The following ARID1A variants were observed in gnomAD, a reference collection of about 807,000 sequenced individuals.
ARID1A encodes the protein AT-rich interaction domain 1A, also known as AT-rich interactive domain-containing protein 1A.
ARID1A carries 20 observed loss-of-function variants against 212.6 expected under a neutral mutation model. The ratio of observed to expected loss-of-function variants is 0.09; its 90% confidence interval spans 0.07 to 0.14. The LOEUF is 0.14. ARID1A is among the 10% of genes least tolerant of loss of function. ARID1A has a pLI of 1.00. For synonymous variants in ARID1A, 1,376 were observed against 1,222.1 expected (o/e 1.13, Z -2.63); for missense variants, 2,587 against 3,059.0 (o/e 0.85, Z 3.64).
chr1:26,740,664 A>T (rs2080779576), intron 4 of ARID1A, among the ~76,000 whole-genome samples: 1 of 152,202 alleles, frequency 6.6e-6, no homozygotes, highest in Admixed American at 6.5e-5. Context: ...TAACTGGGGC[A>T]ATCATGTGAT....
rs2124788300 is a variant in ARID1A, at chr1:26,731,244, G to A, written c.1443G>A (p.Gln481=). The part of the protein sequence containing the change: ...YNQQSPHPQQ[Q]QPPYSQQPPS... ...AGCAAAGTCCTCACCCTCAGCAGCA[G>A]CAGCCACCCTACTCCCAGCAACCAC... The change falls in exon 3 of 20, where the codon CAG becomes CAA. Residue 481 remains glutamine, a synonymous_variant. Coordinates refer to ENST00000324856, the MANE Select transcript of ARID1A (RefSeq NM_006015.6). The A allele has an allele frequency of 6.2e-7, 1 of 1,613,942 alleles. No individual in the cohort carries two copies. The highest frequency in any genetic ancestry group is 8.5e-7 in the Non-Finnish European group (1 of 1,179,984).
At chr1:26,729,892 C>G (rs2124785949) in intron 2 of ARID1A, 29 bp downstream of exon 2, 1 of 1,602,412 alleles carries the variant, frequency 6.2e-7, no homozygotes, top group East Asian at 2.2e-5. Context: ...TACCTTGACC[C>G]TTGTTGCTGT....
chr1:26,778,949 GTC>G, intron 19 of ARID1A, 72 bp from the exon 20 acceptor site: 2 of 1,400,058 alleles, frequency 1.4e-6, no homozygotes, highest in Non-Finnish European at 1.9e-6. Flanking sequence ...ACTTGGGGAG[GTC>G]TCTCAAGTCA....
chr1:26,745,688 C>T (rs567869966), intron 4 of ARID1A, among the ~76,000 whole-genome samples: 2 of 152,292 alleles, frequency 1.3e-5, no homozygotes, highest in African/African-American at 2.4e-5. Flanking sequence ...TCTCTGACTG[C>T]TAGTCCAGTG....
intron 4 of ARID1A, among the ~76,000 whole-genome samples, 158 bp from the exon 5 acceptor site, chr1:26,760,697 AT>A (rs890514165): frequency 4.7e-5 from 7 of 149,850 alleles, no homozygotes; most frequent in African/African-American, 7.4e-5. Flanking sequence ...AAAAAAAAAA[AT>A]TTTTTTTTTT....
At chr1:26,709,372 A>G (rs1470754859) in intron 1 of ARID1A, among the ~76,000 whole-genome samples, 9 of 151,796 alleles carry the variant, frequency 5.9e-5, no homozygotes, top group Non-Finnish European at 1.3e-4. Context: ...TCTACCTCAC[A>G]TTCTCCTCCC....
intron 4 of ARID1A, among the ~76,000 whole-genome samples, chr1:26,748,947 G>A (rs1433494918): frequency 2.6e-5 from 4 of 152,072 alleles, no homozygotes; most frequent in South Asian, 4.1e-4. Flanking sequence ...GGCAGATCAC[G>A]AGGTCAGGAG....
Position 26,697,041 on chromosome 1 carries a change from ACTC to A in ARID1A, c.641_643del (p.Ser214del). 6.5e-7 allele frequency: 1 copy of A among 1,536,176 alleles called. No homozygotes were observed. The highest frequency in any genetic ancestry group is 8.7e-7 in the Non-Finnish European group (1 of 1,145,780). ...CACGGCTTCCCCAACCACCAGTACAACTCCTACTACCCCAACCGCAGCGCCTAC... is the reference window on the plus strand; with the variant it reads ...CACGGCTTCCCCAACCACCAGTACAACTACTACCCCAACCGCAGCGCCTAC... On this transcript the variant is annotated inframe_deletion, in exon 1 of 20. Coordinates refer to ENST00000324856, the MANE Select transcript of ARID1A (RefSeq NM_006015.6).
At chr1:26,755,260 T>C (rs999073756) in intron 4 of ARID1A, among the ~76,000 whole-genome samples, 32 of 152,260 alleles carry the variant, frequency 2.1e-4, no homozygotes, top group African/African-American at 7.2e-4. Context: ...CTTTCTATGC[T>C]AACATTTTGG....
rs2124140663 is a variant in ARID1A at position 26,779,485 on chromosome 1, A to T, written c.5587A>T (p.Thr1863Ser). Reference sequence around the variant, plus strand: ...TATCCAGACCCACTTCGAGAGCAAGACAGAGCTGCTGCCTTCCCGGCCTCA... The same window carrying T: ...TATCCAGACCCACTTCGAGAGCAAGTCAGAGCTGCTGCCTTCCCGGCCTCA... ...EHIQTHFESK[T>S]ELLPSRPHAP... The change falls in exon 20 of 20, where the codon ACA becomes TCA. Residue 1863 changes from threonine (T) to serine (S), a missense_variant. Thr to Ser is a moderately conservative substitution (Grantham distance 58). Coordinates refer to ENST00000324856, the MANE Select transcript of ARID1A (RefSeq NM_006015.6). The T allele has an allele frequency of 6.2e-7, 1 of 1,614,128 alleles. No homozygotes were observed. The highest frequency in any genetic ancestry group is 1.1e-5 in the South Asian group (1 of 91,072).
chr1:26,703,330 A>G (rs1361032752), intron 1 of ARID1A, among the ~76,000 whole-genome samples: 6 of 152,356 alleles, frequency 3.9e-5, no homozygotes, highest in South Asian at 2.1e-4. Context: ...AGAAGAATCT[A>G]TGAATATTTT....
chr1:26,755,106 C>CA lies in ARID1A; in HGVS notation c.1921-5742dup, dbSNP rs1029085293. Among the ~76,000 whole-genome samples, 13 of 151,736 alleles carry CA rather than the reference C, an allele frequency of 8.6e-5. No homozygotes were observed. The East Asian group carries it at 1.4e-3, about 16-fold the overall frequency. ...CCTGGGTAACAGCCAGACCCTGACT[C>CA]AAAAAAAACCAAACCAAAACCAAAA... On this transcript the variant is annotated intron_variant, in intron 4 of 19. Transcript: ENST00000324856.
chr1:26,779,880 G>C lies in ARID1A; in HGVS notation c.5982G>C (p.Val1994=). 1 of 1,614,086 alleles carries C rather than the reference G, an allele frequency of 6.2e-7. No homozygotes were observed. The highest frequency in any genetic ancestry group is 1.1e-5 in the South Asian group (1 of 91,084). ...VSNTIRSLSF[V]PGNDFEMSKH... is the part of the protein sequence containing the mutation. ...ATACCATTCGAAGCCTGTCATTTGTGCCAGGCAATGACTTTGAGATGTCCA... is the reference window on the plus strand; with the variant it reads ...ATACCATTCGAAGCCTGTCATTTGTCCCAGGCAATGACTTTGAGATGTCCA... The change falls in exon 20 of 20, where the codon GTG becomes GTC. Residue 1994 remains valine, a synonymous_variant. Transcript: ENST00000324856.
At chr1:26,699,366 A>G (rs2080310537) in intron 1 of ARID1A, among the ~76,000 whole-genome samples, 1 of 152,196 alleles carries the variant, frequency 6.6e-6, no homozygotes, top group Non-Finnish European at 1.5e-5. Flanking sequence ...GGAGTCATAC[A>G]TGTTTTCAAA....
intron 4 of ARID1A, among the ~76,000 whole-genome samples, chr1:26,756,702 GT>G (rs760741158): frequency 1.5e-4 from 22 of 147,344 alleles, no homozygotes; most frequent in East Asian, 4.0e-4. Context: ...TAGCTGAAAT[GT>G]TTTTTTTTTT....
In ARID1A at chr1:26,732,724, A is replaced by G. The variant is rs2124792473; in HGVS notation, c.1852A>G (p.Met618Val). 1.2e-6 allele frequency: 2 copies of G among 1,614,016 alleles called. No individual in the cohort carries two copies. Among genetic ancestry groups the G allele is most frequent in the South Asian group, 1.1e-5 (1 of 91,072 alleles). ...FGSQASSAPSMTSSKGGQEDM... is the reference protein window; with the variant it reads ...FGSQASSAPSVTSSKGGQEDM... ...GTCTCAGGCATCCTCAGCCCCCTCA[A>G]TGACCTCCAGTAAGGGAGGGCAAGA... The change falls in exon 4 of 20, where the codon ATG becomes GTG. Residue 618 changes from methionine to valine, a missense_variant. By Grantham distance (21) the Met-to-Val change is conservative (BLOSUM62 1). Transcript: ENST00000324856.
intron 1 of ARID1A, among the ~76,000 whole-genome samples, chr1:26,707,508 A>G (rs1346363572): frequency 6.6e-6 from 1 of 151,326 alleles, no homozygotes; most frequent in Non-Finnish European, 1.5e-5. Flanking sequence ...CGCCCGGCCT[A>G]ATGTTTGTAT....
intron 4 of ARID1A, among the ~76,000 whole-genome samples, chr1:26,743,785 C>CA (rs777459329): frequency 0.041 from 3,018 of 74,378 alleles, 39 homozygotes; most frequent in Middle Eastern, 0.058. Flanking sequence ...TACTCCATCT[C>CA]AAAAAAAAAA....
chr1:26,754,653 A>G (rs2080913042), intron 4 of ARID1A, among the ~76,000 whole-genome samples: 1 of 152,204 alleles, frequency 6.6e-6, no homozygotes, highest in Non-Finnish European at 1.5e-5. Flanking sequence ...TTCCTAACTC[A>G]GAGGCGTGAC....
Sources: gnomAD v4.1 joint callset for allele counts (sites outside exome capture counted in the v4.1 genomes callset) on GRCh38, gnomAD v4.1.1 for gene constraint, MANE v1.5 for transcripts, NCBI Gene and HGNC (gene_info 2026-07-23, HGNC 2026-07-21) for gene names.